The following RNF4 variants were observed in gnomAD, a reference collection of about 807,000 sequenced individuals.
RNF4 encodes the protein E3 ubiquitin-protein ligase RNF4.
In RNF4, 7 loss-of-function variants were observed where a neutral mutation model predicts 24.3. The ratio of observed to expected loss-of-function variants is 0.29; its 90% confidence interval spans 0.16 to 0.54. RNF4 has a LOEUF of 0.54. Ranked by LOEUF, RNF4 falls within the 20% of genes least tolerant of loss-of-function variation. The pLI, the probability that RNF4 is intolerant of heterozygous loss-of-function variation, is 0.95. For synonymous variants in RNF4, 83 were observed against 84.3 expected, an observed-to-expected ratio of 0.98 and a Z score of 0.09; for missense variants, 209 against 248.5, an observed-to-expected ratio of 0.84 and a Z score of 1.07.
Position 2,512,332 on chromosome 4 carries a change from G to A in RNF4, c.215-106G>A, listed in dbSNP as rs1736291764. The A allele has an allele frequency of 1.5e-6, 2 of 1,322,944 alleles. No individual in the cohort carries two copies. The highest frequency in any genetic ancestry group is 2.5e-5 in the East Asian group (1 of 39,880). The allele number at this position is 1,322,944 out of a possible 1,614,324, so 82.0% of individuals were successfully genotyped here. ...GCATGGCAGCAGTTTGTCTCTGGGGGTCCCAGGCAGGGAAGGAAGAGGGTC... is the reference window on the plus strand; with the variant it reads ...GCATGGCAGCAGTTTGTCTCTGGGGATCCCAGGCAGGGAAGGAAGAGGGTC... On this transcript the variant is annotated intron_variant, in intron 5 of 7. Transcript: ENST00000314289. This position sits in a 1 kb window ranked among gnomAD's most constrained non-coding sequence, Gnocchi z 4.1.
chr4:2,510,864 C>T (rs1736252981), intron 4 of RNF4, among the ~76,000 whole-genome samples: 1 of 152,188 alleles, frequency 6.6e-6, no homozygotes, highest in African/African-American at 2.4e-5. Flanking sequence ...CAGAAATTGT[C>T]TAGATGTAAG....
rs1416680198 is a variant in RNF4 at position 2,514,967 on chromosome 4, A to G, written c.*1148A>G. ...CTGGTGAAACAGGGGCCCAGATGAC[A>G]ACCTCTCCTTCGCTCCACAGGTACG... On this transcript the variant is annotated 3_prime_UTR_variant, in exon 8 of 8. Transcript: ENST00000314289. The G allele has an allele frequency of 6.6e-6, 1 of 152,346 alleles. No homozygotes were observed. Among genetic ancestry groups the G allele is most frequent in the African/African-American group, 2.4e-5 (1 of 41,448 alleles). 9.4% of individuals were successfully genotyped at this position (152,346 alleles called of 1,614,324 possible). A position where few individuals can be genotyped will look rare whatever the true frequency, so the allele number is the denominator to read the frequency against.
At chr4:2,501,962 G>A (rs1216906696) in intron 4 of RNF4, among the ~76,000 whole-genome samples, 2 of 152,170 alleles carry the variant, frequency 1.3e-5, no homozygotes, top group Non-Finnish European at 2.9e-5. Context: ...GCAGCAGTGG[G>A]TTTAGTTGTA....
At chr4:2,505,529 G>C (rs1217030436) in intron 4 of RNF4, 2 of 150,082 alleles carry the variant, frequency 1.3e-5, no homozygotes, top group Non-Finnish European at 3.0e-5. Context: ...GTTTCACCAT[G>C]TTAGCCAGGA....
At chr4:2,483,831 TTTTA>T (rs957819604) in intron 1 of RNF4, among the ~76,000 whole-genome samples, 3 of 151,840 alleles carry the variant, frequency 2.0e-5, no homozygotes, top group Non-Finnish European at 4.4e-5. Context: ...TTTTATTGAT[TTTTA>T]TTTATTTATT....
chr4:2,508,858 C>T (rs1397887016), intron 4 of RNF4, among the ~76,000 whole-genome samples: 2 of 150,744 alleles, frequency 1.3e-5, no homozygotes, highest in African/African-American at 2.4e-5. Flanking sequence ...GTGATCTGCC[C>T]GCCTCTGCCT....
chr4:2,479,966 C>T (rs750593776), intron 1 of RNF4: 1 of 152,110 alleles, frequency 6.6e-6, no homozygotes, highest in African/African-American at 2.4e-5. Flanking sequence ...TGACAAGGGT[C>T]TTGCCCAGGC....
intron 1 of RNF4, among the ~76,000 whole-genome samples, chr4:2,489,013 A>G (rs1201484228): frequency 2.6e-5 from 4 of 151,968 alleles, no homozygotes; most frequent in South Asian, 2.1e-4. Flanking sequence ...GGGTTTCACC[A>G]TATTGGCCAG....
At chr4:2,498,528 G>C (rs1735806098) in intron 3 of RNF4, among the ~76,000 whole-genome samples, 2 of 152,134 alleles carry the variant, frequency 1.3e-5, no homozygotes, top group African/African-American at 2.4e-5. Flanking sequence ...GTGTTCACCA[G>C]AAAGAGAATG....
chr4:2,477,888 C>T (rs1341073354), intron 1 of RNF4, among the ~76,000 whole-genome samples: 2 of 152,168 alleles, frequency 1.3e-5, no homozygotes, highest in African/African-American at 4.8e-5. Context: ...AACTGGGTAG[C>T]AGGCAGGGAT....
Position 2,515,650 on chromosome 4 carries a change from TAGAA to T in RNF4, c.*1835_*1838del, listed in dbSNP as rs547683811. 22 of 152,754 alleles carry T rather than the reference TAGAA, an allele frequency of 1.4e-4. No homozygotes were observed. Among genetic ancestry groups the T allele is most frequent in the South Asian group, 8.3e-4 (4 of 4,832 alleles). 9.5% of individuals were successfully genotyped at this position (152,754 alleles called of 1,614,324 possible). On this transcript the variant is annotated 3_prime_UTR_variant, in exon 8 of 8. Transcript: ENST00000314289. ...GTTACTTCGTCCTAAATTAAATTGA[TAGAA>T]AGATTTAAAAATGTGTTTTGTTTCT...
Position 2,500,567 on chromosome 4 carries a change from C to T in RNF4, c.125-92C>T. The T allele has an allele frequency of 2.6e-6, 3 of 1,158,424 alleles. No homozygotes were observed. In the South Asian group the frequency reaches 4.1e-5, roughly 16 times the overall value. 71.8% of individuals were successfully genotyped at this position (1,158,424 alleles called of 1,614,324 possible). Reference sequence around the variant, plus strand: ...CAGGATTGTTTTAGTTTGGGGTAAGCCTATAACATTAGCAGTCATACTAAA... The same window carrying T: ...CAGGATTGTTTTAGTTTGGGGTAAGTCTATAACATTAGCAGTCATACTAAA... On this transcript the variant is annotated intron_variant, in intron 3 of 7. Coordinates refer to ENST00000314289, the MANE Select transcript of RNF4 (RefSeq NM_002938.5).
intron 2 of RNF4, among the ~76,000 whole-genome samples, chr4:2,495,380 T>C (rs1022221885): frequency 6.6e-6 from 1 of 152,188 alleles, no homozygotes; most frequent in Non-Finnish European, 1.5e-5. Flanking sequence ...CTGGGACAGA[T>C]TGACCCTAGT....
chr4:2,496,387 G>A (rs1735736282), intron 2 of RNF4, among the ~76,000 whole-genome samples: 1 of 152,192 alleles, frequency 6.6e-6, no homozygotes, highest in Non-Finnish European at 1.5e-5. Flanking sequence ...CTTTTGGCCA[G>A]GGCATCCACT....
chr4:2,471,997 A>G (rs1376139036), intron 1 of RNF4, among the ~76,000 whole-genome samples: 5 of 152,242 alleles, frequency 3.3e-5, no homozygotes, highest in Non-Finnish European at 5.9e-5. Flanking sequence ...ACACTAAACA[A>G]CAGACTTTCA....
Position 2,477,647 on chromosome 4 carries a change from T to G in RNF4, c.-158+8389T>G, listed in dbSNP as rs536102476. ...TTTCCCTACACAAGCTCTCTTTGCC[T>G]GCTGCCATCTATGTAAGGCATGACT... On this transcript the variant is annotated intron_variant, in intron 1 of 7. Coordinates refer to ENST00000314289, the MANE Select transcript of RNF4 (RefSeq NM_002938.5). Among the ~76,000 whole-genome samples the G allele has an allele frequency of 1.2e-4, 19 of 152,338 alleles. No homozygotes were observed. The East Asian group carries it at 3.5e-3, about 28-fold the overall frequency.
At chr4:2,495,659 A>C (rs1735714735) in intron 2 of RNF4, among the ~76,000 whole-genome samples, 1 of 147,180 alleles carries the variant, frequency 6.8e-6, no homozygotes, top group Non-Finnish European at 1.5e-5. Flanking sequence ...TGAGATGGAG[A>C]TTTACTCTTG....
chr4:2,501,096 C>T (rs1176065267), intron 4 of RNF4, among the ~76,000 whole-genome samples: 3 of 152,200 alleles, frequency 2.0e-5, no homozygotes. Flanking sequence ...TCCCTGATTC[C>T]ACAGTTTACA....
chr4:2,506,556 TTTC>T (rs954411872), intron 4 of RNF4, among the ~76,000 whole-genome samples: 35 of 151,886 alleles, frequency 2.3e-4, no homozygotes, highest in South Asian at 6.2e-4. Flanking sequence ...ATTTGTTTTT[TTTC>T]TTCTTCTTCT....
Sources: allele counts gnomAD v4.1 joint callset (sites outside exome capture counted in the v4.1 genomes callset), GRCh38; gene constraint gnomAD v4.1.1; non-coding constraint Gnocchi (gnomAD v3.1); transcripts MANE v1.5; gene names NCBI Gene and HGNC (gene_info 2026-07-23, HGNC 2026-07-21).